The following MAPK4 variants were observed in gnomAD, a reference collection of about 807,000 sequenced individuals.
MAPK4 encodes the protein Erk3-related.
MAPK4 carries 22 observed loss-of-function variants against 47.7 expected under a neutral mutation model. The observed-to-expected ratio is 0.46, with a 90% CI of 0.33 to 0.66. The LOEUF is 0.66. MAPK4 is among the 30% of genes least tolerant of loss of function. MAPK4 has a pLI of 0.02. For synonymous variants in MAPK4, 390 were observed against 365.7 expected, an observed-to-expected ratio of 1.07 and a Z score of -0.76; for missense variants, 736 against 831.7, an observed-to-expected ratio of 0.88 and a Z score of 1.42.
intron 1 of MAPK4, among the ~76,000 whole-genome samples, chr18:50,653,151 T>TG (rs936361875): frequency 2.6e-5 from 4 of 151,560 alleles, no homozygotes; most frequent in Admixed American, 1.3e-4. Flanking sequence ...ATCGAGCCAC[T>TG]GCACACCAGC....
intron 3 of MAPK4, 114 bp downstream of exon 3, chr18:50,715,337 T>G: frequency 2.3e-6 from 3 of 1,278,538 alleles, no homozygotes; most frequent in Non-Finnish European, 3.2e-6. Context: ...CTGAAATTAC[T>G]TCTGTGGCTT....
chr18:50,689,275 G>A (rs151101168), intron 2 of MAPK4, among the ~76,000 whole-genome samples: 2,691 of 152,206 alleles, frequency 0.018, 36 homozygotes, highest in Non-Finnish European at 0.026. Flanking sequence ...GTGCAAGCCT[G>A]TAATCCCAGC....
intron 1 of MAPK4, among the ~76,000 whole-genome samples, chr18:50,633,625 C>T (rs2042852619): frequency 2.0e-5 from 3 of 152,152 alleles, no homozygotes. Context: ...ATTAATCTCC[C>T]CAAAACACTT....
At chr18:50,709,152 C>T (rs961514607) in intron 2 of MAPK4, among the ~76,000 whole-genome samples, 2 of 152,126 alleles carry the variant, frequency 1.3e-5, no homozygotes, top group African/African-American at 4.8e-5. Flanking sequence ...GCCAGGTTCT[C>T]GTGTGACAGG....
intron 2 of MAPK4, among the ~76,000 whole-genome samples, chr18:50,682,136 G>T (rs916379959): frequency 2.0e-5 from 3 of 152,046 alleles, no homozygotes; most frequent in African/African-American, 7.2e-5. Context: ...AAAATGTTCT[G>T]GAATTAGATA....
chr18:50,696,398 A>G (rs1909515470), intron 2 of MAPK4, among the ~76,000 whole-genome samples: 1 of 152,226 alleles, frequency 6.6e-6, no homozygotes, highest in Admixed American at 6.5e-5. Context: ...CTTCTGCCCT[A>G]GGGACCCACT....
chr18:50,715,139 C>T lies in MAPK4; in HGVS notation c.607C>T (p.Pro203Ser). Residue 203 changes from proline to serine, a missense_variant, in exon 3 of 6, where the codon CCC (proline) becomes TCC (serine). By Grantham distance (74) the Pro-to-Ser change is moderately conservative (BLOSUM62 -1). Around this residue, in one of 3 missense-constraint regions of MAPK4, gnomAD observed 327 missense variants for 395.4 expected, o/e 0.83. Coordinates refer to ENST00000400384, the MANE Select transcript of MAPK4 (RefSeq NM_002747.4). ...CCGTTCCCCACGACTGCTCCTTTCCCCCAATAACTACACCAAAGCCATCGA... is the reference window on the plus strand; with the variant it reads ...CCGTTCCCCACGACTGCTCCTTTCCTCCAATAACTACACCAAAGCCATCGA... ...WYRSPRLLLSPNNYTKAIDMW... is the reference protein window; with the variant it reads ...WYRSPRLLLSSNNYTKAIDMW... 6.2e-7 allele frequency: 1 copy of T among 1,614,130 alleles called. No individual in the cohort carries two copies.
At chr18:50,713,282 A>G (rs1910472807) in intron 2 of MAPK4, among the ~76,000 whole-genome samples, 1 of 152,256 alleles carries the variant, frequency 6.6e-6, no homozygotes, top group South Asian at 2.1e-4. Flanking sequence ...TTTTAAAGCA[A>G]TTAAACTCTT....
chr18:50,729,272 G>A lies in MAPK4; in HGVS notation c.1182G>A (p.Gln394=). 2 of 1,609,732 alleles carry A rather than the reference G, an allele frequency of 1.2e-6. No individual in the cohort carries two copies. Among genetic ancestry groups the A allele is most frequent in the Non-Finnish European group, 1.7e-6 (2 of 1,177,872 alleles). Residue 394 remains glutamine, a synonymous_variant, in exon 6 of 6, where the codon CAG becomes CAA. Coordinates refer to ENST00000400384, the MANE Select transcript of MAPK4 (RefSeq NM_002747.4). ...AGSAPLAEDV[Q]VDPRKDSHSS... ...CGGCGCCACTGGCTGAGGACGTGCAGGTGGACCCGCGCAAGGACTCGCACA... is the reference window on the plus strand; with the variant it reads ...CGGCGCCACTGGCTGAGGACGTGCAAGTGGACCCGCGCAAGGACTCGCACA...
chr18:50,645,216 G>T (rs2042977565), intron 1 of MAPK4, among the ~76,000 whole-genome samples: 1 of 151,746 alleles, frequency 6.6e-6, no homozygotes, highest in African/African-American at 2.4e-5. Context: ...CCATCCATAG[G>T]AGAGATGAAT....
chr18:50,691,283 C>T (rs1212397024), intron 2 of MAPK4, among the ~76,000 whole-genome samples: 1 of 151,982 alleles, frequency 6.6e-6, no homozygotes, highest in African/African-American at 2.4e-5. Flanking sequence ...TGTGAGCCAC[C>T]ACACCCGGCC....
rs750072736 is a variant in MAPK4, at chr18:50,729,169, G to A, written c.1079G>A (p.Ser360Asn). ...WDTCSSRYPV[S>N]LSSDLEWRPD... ...TTGTACCCTTGCAGGTACCCTGTGA[G>A]CCTGTCGTCGGACCTGGAGTGGCGG... Residue 360 changes from serine to asparagine, a missense_variant, in exon 6 of 6, where the codon AGC becomes AAC. Coordinates refer to ENST00000400384, the MANE Select transcript of MAPK4 (RefSeq NM_002747.4). 1.9e-6 allele frequency: 3 copies of A among 1,579,070 alleles called. No homozygotes were observed. The highest frequency in any genetic ancestry group is 2.6e-6 in the Non-Finnish European group (3 of 1,154,912).
At chr18:50,628,651 T>A (rs1208689623) in intron 1 of MAPK4, among the ~76,000 whole-genome samples, 2 of 152,200 alleles carry the variant, frequency 1.3e-5, no homozygotes, top group African/African-American at 4.8e-5. Context: ...TGGTGTCAAC[T>A]CAATTTTAAG....
intron 1 of MAPK4, among the ~76,000 whole-genome samples, chr18:50,661,803 T>C (rs2043175019): frequency 1.3e-5 from 2 of 152,242 alleles, no homozygotes; most frequent in African/African-American, 4.8e-5. Flanking sequence ...GTTTTGTTCC[T>C]GGACCCAGTA....
At chr18:50,583,806 A>G (rs914545959) in intron 1 of MAPK4, among the ~76,000 whole-genome samples, 2 of 152,070 alleles carry the variant, frequency 1.3e-5, no homozygotes, top group African/African-American at 4.8e-5. Context: ...TTCTCTTCAC[A>G]CTGAATCAGA....
rs1908767511 is a variant in MAPK4 at position 50,684,607 on chromosome 18, TGAG to T, written c.546+20107_546+20109del. On this transcript the variant is annotated intron_variant, in intron 2 of 5. Transcript: ENST00000400384. The stretch of plus-strand genomic sequence containing the variant: ...TTGGGTGAGCTCTGCCTTCGGGGGG[TGAG>T]GAGAAGACACCTCCTGGCCTCCCCA... Among the ~76,000 whole-genome samples the T allele has an allele frequency of 4.7e-5, 7 of 148,358 alleles. No homozygotes were observed. The South Asian group carries it at 1.3e-3, about 27-fold the overall frequency.
intron 1 of MAPK4, among the ~76,000 whole-genome samples, chr18:50,580,736 C>T (rs2042336223): frequency 6.6e-6 from 1 of 152,200 alleles, no homozygotes; most frequent in African/African-American, 2.4e-5. Context: ...CGTGGAACAG[C>T]ACTAGAATAT....
Position 50,560,125 on chromosome 18 carries a change from G to T in MAPK4, c.-989G>T, listed in dbSNP as rs2042138999. ...GAGCAGCGAGCCGGGCTGTCGGGGC[G>T]ACCGCGGGAGCTCGCCGTGCGCCGT... is the stretch of plus-strand genomic sequence containing the variant. On this transcript the variant is annotated 5_prime_UTR_variant, in exon 1 of 6. Transcript: ENST00000400384. 1 of 149,196 alleles carries T rather than the reference G, an allele frequency of 6.7e-6. No homozygotes were observed. Among genetic ancestry groups the T allele is most frequent in the South Asian group, 1.8e-4 (1 of 5,406 alleles). 9.2% of individuals were successfully genotyped at this position (149,196 alleles called of 1,614,324 possible). A position where few individuals can be genotyped will look rare whatever the true frequency, so the allele number is the denominator to read the frequency against.
At chr18:50,583,545 C>T (rs1043811194) in intron 1 of MAPK4, among the ~76,000 whole-genome samples, 47 of 152,038 alleles carry the variant, frequency 3.1e-4, no homozygotes, top group African/African-American at 9.2e-4. Flanking sequence ...GCTGAGATTG[C>T]GCCACTGCAC....
Sources: allele counts gnomAD v4.1 joint callset (sites outside exome capture counted in the v4.1 genomes callset), GRCh38; gene constraint gnomAD v4.1.1; regional missense constraint gnomAD v4.1.1; transcripts MANE v1.5; gene names NCBI Gene and HGNC (gene_info 2026-07-23, HGNC 2026-07-21).